The following KREMEN1 variants were observed in gnomAD, a reference collection of about 807,000 sequenced individuals.
The protein encoded by KREMEN1 is kringle containing transmembrane protein 1.
Under a neutral mutation model 46.5 loss-of-function variants are expected in KREMEN1, and 30 were observed. The observed-to-expected ratio is 0.65, with a 90% CI of 0.48 to 0.88. KREMEN1 has a LOEUF of 0.88. Ranked by LOEUF, KREMEN1 falls within the 40% of genes least tolerant of loss-of-function variation. KREMEN1 has a pLI of 0.00. For missense variants in KREMEN1, 533 were observed against 596.9 expected, an observed-to-expected ratio of 0.89 and a Z score of 1.11; for synonymous variants, 214 against 230.6, an observed-to-expected ratio of 0.93 and a Z score of 0.65.
chr22:29,091,526 T>C (rs2145756984), intron 1 of KREMEN1, among the ~76,000 whole-genome samples: 1 of 152,342 alleles, frequency 6.6e-6, no homozygotes, highest in African/African-American at 2.4e-5. Context: ...GAGAAAAACA[T>C]GTATTAACAC....
At chr22:29,136,733 C>T (rs972018068) in intron 5 of KREMEN1, among the ~76,000 whole-genome samples, 1 of 152,108 alleles carries the variant, frequency 6.6e-6, no homozygotes, top group African/African-American at 2.4e-5. Flanking sequence ...GCAAATGTGC[C>T]CAGTACAGAG....
chr22:29,073,110 G>T lies in KREMEN1; in HGVS notation c.-21G>T. The T allele has an allele frequency of 1.1e-6, 1 of 927,362 alleles. No homozygotes were observed. Among genetic ancestry groups the T allele is most frequent in the Non-Finnish European group, 1.3e-6 (1 of 773,598 alleles). The allele number at this position is 927,362 out of a possible 1,614,324, so 57.4% of individuals were successfully genotyped here. The stretch of plus-strand genomic sequence containing the variant: ...CCCCCTTTACCCCGGGCCGCGCCCC[G>T]GGGCCCCGCACTGACGGCCCATGGC... On this transcript the variant is annotated 5_prime_UTR_variant, in exon 1 of 9. Coordinates refer to ENST00000400335, the MANE Select transcript of KREMEN1 (RefSeq NM_001039570.3). The surrounding 1 kb of genome is among the most constrained non-coding windows in gnomAD (Gnocchi z 4.4).
chr22:29,082,617 T>G (rs961194254), intron 1 of KREMEN1, among the ~76,000 whole-genome samples: 2 of 152,158 alleles, frequency 1.3e-5, no homozygotes, highest in African/African-American at 4.8e-5. Flanking sequence ...GCCAGGCACC[T>G]TCTATGTGGT....
chr22:29,129,894 C>T (rs1038160078), intron 5 of KREMEN1, among the ~76,000 whole-genome samples: 78 of 152,294 alleles, frequency 5.1e-4, no homozygotes, highest in African/African-American at 1.8e-3. Context: ...GGCTTCATAG[C>T]CTCTGCTACC....
rs1160336134 is a variant in KREMEN1 at position 29,073,164 on chromosome 22, T to C, written c.34T>C (p.Ser12Pro). 1.7e-6 allele frequency: 2 copies of C among 1,153,466 alleles called. No individual in the cohort carries two copies. Among genetic ancestry groups the C allele is most frequent in the Non-Finnish European group, 2.1e-6 (2 of 940,572 alleles). The allele number at this position is 1,153,466 out of a possible 1,614,324, so 71.5% of individuals were successfully genotyped here. A position where few individuals can be genotyped will look rare whatever the true frequency, so the allele number is the denominator to read the frequency against. Residue 12 changes from serine (S) to proline (P), a missense_variant, in exon 1 of 9, where the codon TCC becomes CCC. Coordinates refer to ENST00000400335, the MANE Select transcript of KREMEN1 (RefSeq NM_001039570.3). The surrounding 1 kb of genome is among the most constrained non-coding windows in gnomAD (Gnocchi z 4.4). ...GCCAGCCGCCCGCCTCGCCCTGCTC[T>C]CCGCCGCGGCGCTCACGCTGGCGGC... ...APPAARLALL[S>P]AAALTLAARP...
At chr22:29,158,564 A>G (rs2038983954) in intron 9 of KREMEN1, among the ~76,000 whole-genome samples, 1 of 152,204 alleles carries the variant, frequency 6.6e-6, no homozygotes, top group African/African-American at 2.4e-5. Flanking sequence ...CAAAGGCCCC[A>G]CATTTGGCCC....
chr22:29,078,707 T>C (rs1396495814), intron 1 of KREMEN1, among the ~76,000 whole-genome samples: 2 of 152,258 alleles, frequency 1.3e-5, no homozygotes, highest in African/African-American at 4.8e-5. Flanking sequence ...GAACAGTTAA[T>C]GCAAAACACT....
chr22:29,137,748 C>CAGGA (rs964370969), intron 6 of KREMEN1, 74 bp downstream of exon 6: 5 of 1,254,934 alleles, frequency 4.0e-6, no homozygotes, highest in Non-Finnish European at 5.5e-6. Flanking sequence ...ACCCTTGTGA[C>CAGGA]TTGGGCAGTT....
rs941167109 is a variant in KREMEN1, at chr22:29,091,469, A to G, written c.98-2789A>G. Among the ~76,000 whole-genome samples, 10 of 152,170 alleles carry G rather than the reference A, an allele frequency of 6.6e-5. No individual in the cohort carries two copies. In the East Asian group the frequency reaches 1.9e-3, roughly 29 times the overall value. On this transcript the variant is annotated intron_variant, in intron 1 of 8. Transcript: ENST00000400335. ...AAAAAAAATTTTATTTTTATCCTAT[A>G]TATTTAAGGGGTACAGTATGATGTT...
chr22:29,152,812 C>T (rs1019611721), intron 9 of KREMEN1, among the ~76,000 whole-genome samples: 1 of 152,160 alleles, frequency 6.6e-6, no homozygotes, highest in Admixed American at 6.5e-5. Flanking sequence ...CTGGGGGTGC[C>T]CCATGGGTTC....
intron 3 of KREMEN1, among the ~76,000 whole-genome samples, chr22:29,114,486 CAAAAAA>C (rs134685): frequency 2.3e-5 from 2 of 88,078 alleles, no homozygotes; most frequent in African/African-American, 4.9e-5. Flanking sequence ...AACTCCGTGT[CAAAAAA>C]AAAAAAAAAA....
intron 3 of KREMEN1, among the ~76,000 whole-genome samples, chr22:29,119,668 T>G (rs1272846333): frequency 6.6e-6 from 1 of 152,192 alleles, no homozygotes; most frequent in Non-Finnish European, 1.5e-5. Context: ...TTGAGGTACA[T>G]CTTTGAAAGC....
chr22:29,079,848 C>T (rs1039969434), intron 1 of KREMEN1, among the ~76,000 whole-genome samples: 10 of 152,192 alleles, frequency 6.6e-5, no homozygotes, highest in Non-Finnish European at 1.2e-4. Context: ...CTCTTCTAGA[C>T]TAGTAGGGAT....
chr22:29,156,587 G>T (rs928264390), intron 9 of KREMEN1, among the ~76,000 whole-genome samples: 1 of 151,240 alleles, frequency 6.6e-6, no homozygotes, highest in African/African-American at 2.4e-5. Flanking sequence ...CAGGACGCTG[G>T]CTGCCTCTTC....
chr22:29,152,955 C>G (rs756271234), intron 9 of KREMEN1, among the ~76,000 whole-genome samples: 1 of 152,182 alleles, frequency 6.6e-6, no homozygotes, highest in Non-Finnish European at 1.5e-5. Flanking sequence ...ACTGAGTAGA[C>G]TTACGGTTAT....
chr22:29,121,170 A>T (rs1453156268), intron 3 of KREMEN1, among the ~76,000 whole-genome samples, 187 bp from the exon 4 acceptor site: 2 of 152,102 alleles, frequency 1.3e-5, no homozygotes, highest in Non-Finnish European at 1.5e-5. Context: ...TCAAAATAAA[A>T]CAAAAACATG....
intron 6 of KREMEN1, 38 bp from the exon 7 acceptor site, chr22:29,138,586 A>T (rs954623466): frequency 1.9e-6 from 3 of 1,590,232 alleles, no homozygotes; most frequent in Non-Finnish European, 2.6e-6. Flanking sequence ...TGTTGTCTCC[A>T]TAGCCCTGTC....
chr22:29,128,985 G>A (rs533370503), intron 5 of KREMEN1, among the ~76,000 whole-genome samples: 1 of 152,260 alleles, frequency 6.6e-6, no homozygotes, highest in Non-Finnish European at 1.5e-5. Context: ...TTGGCCCCTT[G>A]TGCAGCTCTC....
intron 1 of KREMEN1, among the ~76,000 whole-genome samples, chr22:29,081,032 A>G (rs1258597979): frequency 6.8e-6 from 1 of 146,198 alleles, no homozygotes; most frequent in East Asian, 2.0e-4. Flanking sequence ...GTACATGTGC[A>G]CAACGTGCAG....
Sources: allele counts gnomAD v4.1 joint callset (sites outside exome capture counted in the v4.1 genomes callset), GRCh38; gene constraint gnomAD v4.1.1; non-coding constraint Gnocchi (gnomAD v3.1); transcripts MANE v1.5; gene names NCBI Gene and HGNC (gene_info 2026-07-23, HGNC 2026-07-21).